The following BAZ2B variants were observed in gnomAD, a reference collection of about 807,000 sequenced individuals.
BAZ2B encodes bromodomain adjacent to zinc finger domain 2B.
A neutral mutation model predicts 246.0 loss-of-function variants in BAZ2B; 91 were observed. The observed-to-expected ratio is 0.37, with a 90% CI of 0.31 to 0.44. BAZ2B has a LOEUF of 0.44. BAZ2B is among the 20% of genes least tolerant of loss of function. The probability of loss-of-function intolerance (pLI) is 1.00; values close to 1 mark genes in which losing one functional copy is unlikely to be tolerated. For missense variants in BAZ2B, 2,332 were observed against 2,533.7 expected (o/e 0.92, Z 1.71); for synonymous variants, 855 against 860.0 (o/e 0.99, Z 0.10).
chr2:159,594,212 C>G (rs1690076345), intron 1 of BAZ2B, among the ~76,000 whole-genome samples: 1 of 152,174 alleles, frequency 6.6e-6, no homozygotes, highest in Non-Finnish European at 1.5e-5. Flanking sequence ...CGAGACCATA[C>G]TGGCTAACAC....
the BAZ2B span, among the ~76,000 whole-genome samples, chr2:159,670,251 G>A: frequency 5.3e-5 from 8 of 152,144 alleles, no homozygotes; most frequent in East Asian, 1.9e-4. Context: ...AATTACAGGC[G>A]TGAGCTACCA....
the BAZ2B span, among the ~76,000 whole-genome samples, chr2:159,705,996 T>A: frequency 6.6e-6 from 1 of 151,424 alleles, no homozygotes; most frequent in Admixed American, 6.6e-5. Context: ...AAAAGTTAGA[T>A]GAAGATGCAT....
intron 1 of BAZ2B, among the ~76,000 whole-genome samples, chr2:159,558,271 T>A (rs2089443387): frequency 6.6e-6 from 1 of 152,020 alleles, no homozygotes; most frequent in Admixed American, 6.6e-5. Context: ...TTATTTATTT[T>A]TTGAGATGGA....
the BAZ2B span, among the ~76,000 whole-genome samples, chr2:159,655,494 G>C: frequency 6.6e-6 from 1 of 152,052 alleles, no homozygotes; most frequent in East Asian, 1.9e-4. Flanking sequence ...TTCCAGGTGT[G>C]GTCCTTTAGT....
chr2:159,635,753 A>G, the BAZ2B span, among the ~76,000 whole-genome samples: 1 of 152,108 alleles, frequency 6.6e-6, no homozygotes, highest in Non-Finnish European at 1.5e-5. Flanking sequence ...CTAATTGAAA[A>G]CATGCTTAAT....
intron 13 of BAZ2B, among the ~76,000 whole-genome samples, chr2:159,415,743 G>A (rs1008525689): frequency 3.3e-5 from 5 of 152,116 alleles, no homozygotes; most frequent in Admixed American, 6.5e-5. Context: ...TGAGTTTTAC[G>A]TTATAACATG....
Position 159,448,347 on chromosome 2 carries a change from A to G in BAZ2B, c.397T>C (p.Leu133=). Residue 133 remains leucine (L), a synonymous_variant, in exon 5 of 37, where the codon TTA becomes CTA. Transcript: ENST00000392783. ...GCAAATAGTGGTGGAATTCCCAGTA[A>G]TGGTGGAAAGAAGGTTGCTCCTGTA... is the stretch of plus-strand genomic sequence containing the variant. ...TRTGATFFPP[L]LGIPPLFAPP... 1 of 1,613,428 alleles carries G rather than the reference A, an allele frequency of 6.2e-7. No homozygotes were observed. The highest frequency in any genetic ancestry group is 8.5e-7 in the Non-Finnish European group (1 of 1,179,812).
chr2:159,357,005 A>C (rs991210578), intron 27 of BAZ2B, among the ~76,000 whole-genome samples: 6 of 152,188 alleles, frequency 3.9e-5, no homozygotes, highest in African/African-American at 1.4e-4. Context: ...AGATAAATCC[A>C]TGAAGATGAA....
intron 2 of BAZ2B, among the ~76,000 whole-genome samples, chr2:159,521,607 C>T (rs1230137599): frequency 6.6e-6 from 1 of 151,944 alleles, no homozygotes; most frequent in Admixed American, 6.6e-5. Flanking sequence ...ATTTTTTTCT[C>T]GACCTTTTCA....
intron 3 of BAZ2B, among the ~76,000 whole-genome samples, chr2:159,455,051 G>T (rs936758682): frequency 6.6e-6 from 1 of 152,098 alleles, no homozygotes; most frequent in Admixed American, 6.5e-5. Context: ...GTTATCTTAA[G>T]AATTTACTGT....
chr2:159,539,758 C>T (rs987796187), intron 2 of BAZ2B, among the ~76,000 whole-genome samples: 4 of 152,214 alleles, frequency 2.6e-5, no homozygotes, highest in African/African-American at 9.6e-5. Flanking sequence ...CCAGTGGCTT[C>T]TCTTCACATT....
chr2:159,628,693 G>T, the BAZ2B span, among the ~76,000 whole-genome samples: 1 of 152,106 alleles, frequency 6.6e-6, no homozygotes, highest in African/African-American at 2.4e-5. Context: ...AGACTTAAAC[G>T]TAAGACCTAA....
intron 1 of BAZ2B, among the ~76,000 whole-genome samples, chr2:159,593,354 G>A (rs954210455): frequency 9.9e-5 from 15 of 151,954 alleles, no homozygotes; most frequent in African/African-American, 3.6e-4. Context: ...ATGTTCCTGC[G>A]AGGAAAAATT....
chr2:159,428,453 T>C (rs2070409863), intron 11 of BAZ2B, 34 bp from the exon 12 acceptor site: 1 of 1,499,012 alleles, frequency 6.7e-7, no homozygotes, highest in Non-Finnish European at 9.2e-7. Flanking sequence ...TATGACATAC[T>C]TAATTTCAAG....
chr2:159,671,509 A>G, the BAZ2B span, among the ~76,000 whole-genome samples: 1 of 152,202 alleles, frequency 6.6e-6, no homozygotes, highest in African/African-American at 2.4e-5. Context: ...CAATTTTAAA[A>G]ATAAAAGAAC....
chr2:159,391,528 C>T (rs757184267), intron 20 of BAZ2B, among the ~76,000 whole-genome samples: 1 of 152,210 alleles, frequency 6.6e-6, no homozygotes, highest in African/African-American at 2.4e-5. Context: ...AAAATGGTTG[C>T]TATTACTTCT....
intron 16 of BAZ2B, among the ~76,000 whole-genome samples, chr2:159,401,581 C>A (rs1424694721): frequency 6.6e-6 from 1 of 152,004 alleles, no homozygotes; most frequent in Non-Finnish European, 1.5e-5. Flanking sequence ...TCAGAAATAA[C>A]CTGTAACATT....
chr2:159,397,458 G>A (rs1442973250), intron 18 of BAZ2B, 69 bp from the exon 19 acceptor site: 6 of 1,062,012 alleles, frequency 5.6e-6, no homozygotes, highest in Non-Finnish European at 6.8e-6. Flanking sequence ...AGTATTAAAA[G>A]TTCCTTTTCT....
chr2:159,662,685 C>T, the BAZ2B span, among the ~76,000 whole-genome samples: 61,016 of 151,676 alleles, frequency 0.4, 12,779 homozygotes, highest in African/African-American at 0.5. Context: ...CCACCATGCC[C>T]GGCTAATTTT....
Sources: gnomAD v4.1 joint callset for allele counts (sites outside exome capture counted in the v4.1 genomes callset) on GRCh38, gnomAD v4.1.1 for gene constraint, MANE v1.5 for transcripts, NCBI Gene and HGNC (gene_info 2026-07-23, HGNC 2026-07-21) for gene names.